The following ZNF44 variants were observed in gnomAD, a reference collection of about 807,000 sequenced individuals.
ZNF44 encodes the protein zinc finger protein 44.
Under a neutral mutation model 11.7 loss-of-function variants are expected in ZNF44, and 9 were observed. The observed-to-expected ratio is 0.77, with a 90% confidence interval of 0.46 to 1.35. ZNF44 has a LOEUF of 1.35. ZNF44 is among the 40% of genes most tolerant of loss of function. The pLI, the probability that ZNF44 is intolerant of heterozygous loss-of-function variation, is 0.00. For synonymous variants in ZNF44, 224 were observed against 242.7 expected (o/e 0.92, Z 0.72); for missense variants, 696 against 743.1 (o/e 0.94, Z 0.74).
At chr19:12,270,583 C>CAAG (rs1966918042), downstream of ZNF44, among the ~76,000 whole-genome samples, 1 of 152,014 alleles carries the variant, frequency 6.6e-6, no homozygotes, top group Non-Finnish European at 1.5e-5. Flanking sequence ...TTCCAAGTAG[C>CAAG]TGGGACTACA....
At chr19:12,289,910 C>T (rs1377024774) in intron 1 of ZNF44, among the ~76,000 whole-genome samples, 4 of 151,660 alleles carry the variant, frequency 2.6e-5, no homozygotes, top group Non-Finnish European at 4.4e-5. Context: ...GGATTACCGG[C>T]GTGAGCCACC....
At chr19:12,278,457 C>T (rs1967327475) in intron 1 of ZNF44, among the ~76,000 whole-genome samples, 2 of 152,154 alleles carry the variant, frequency 1.3e-5, no homozygotes, top group African/African-American at 2.4e-5. Context: ...TCTAGTGCCG[C>T]TGGGTTAGGC....
downstream of ZNF44, among the ~76,000 whole-genome samples, chr19:12,271,101 G>A (rs1277024869): frequency 6.6e-6 from 1 of 152,146 alleles, no homozygotes; most frequent in Non-Finnish European, 1.5e-5. Flanking sequence ...AAGAAGAGGA[G>A]CAGTGCCATT....
At chr19:12,249,709 T>C (rs907383717) in intron 7 of ZNF44, among the ~76,000 whole-genome samples, 21 of 151,888 alleles carry the variant, frequency 1.4e-4, no homozygotes, top group Admixed American at 1.4e-3. Flanking sequence ...TGTGCCACCA[T>C]GCCCGGCTAA....
chr19:12,260,746 A>G (rs541896714), intron 5 of ZNF44, among the ~76,000 whole-genome samples: 2 of 152,322 alleles, frequency 1.3e-5, no homozygotes, highest in East Asian at 3.9e-4. Flanking sequence ...ACTGTCAACT[A>G]AAGTCAGCTG....
At position 12,273,261 on chromosome 19, in the gene ZNF44, T is replaced by C. The variant is rs1967049143; in HGVS notation, c.994A>G (p.Ser332Gly). The change falls in exon 4 of 4, where the codon AGT becomes GGT. Residue 332 changes from serine to glycine, a missense_variant. Ser to Gly is a moderately conservative substitution (Grantham distance 56). Coordinates refer to ENST00000355684, the MANE Select transcript of ZNF44 (RefSeq NM_016264.4). ...GSFQRHMIMH[S>G]GDGPHKCKIC... ...TTACATTTATGAGGTCCATCTCCAC[T>C]GTGCATTATCATGTGTCTTTGAAAG... 1 of 1,614,038 alleles carries C rather than the reference T, an allele frequency of 6.2e-7. No individual in the cohort carries two copies. Among genetic ancestry groups the C allele is most frequent in the Middle Eastern group, 1.6e-4 (1 of 6,062 alleles).
At chr19:12,276,247 A>C in intron 1 of ZNF44, 165 bp from the exon 2 acceptor site, 2 of 1,103,744 alleles carry the variant, frequency 1.8e-6, no homozygotes, top group South Asian at 1.3e-5. Flanking sequence ...CTGATGCTGG[A>C]ATTCTGATGC....
chr19:12,294,356 G>C (rs1968149596), intron 1 of ZNF44, among the ~76,000 whole-genome samples: 1 of 152,174 alleles, frequency 6.6e-6, no homozygotes, highest in Admixed American at 6.5e-5. Flanking sequence ...TGCAGCCCTC[G>C]GCGTCCGGGT....
At chr19:12,261,510 T>C (rs942805554) in intron 5 of ZNF44, among the ~76,000 whole-genome samples, 4 of 152,166 alleles carry the variant, frequency 2.6e-5, no homozygotes, top group African/African-American at 9.7e-5. Context: ...CATGTGACTG[T>C]AGTCCTAGCT....
upstream of ZNF44, among the ~76,000 whole-genome samples, chr19:12,241,800 C>T: frequency 6.6e-6 from 1 of 152,176 alleles, no homozygotes; most frequent in Non-Finnish European, 1.5e-5. Flanking sequence ...AAGTGCTCAA[C>T]ATATGGATGG....
intron 2 of ZNF44, among the ~76,000 whole-genome samples, chr19:12,231,431 A>G (rs895055701): frequency 2.6e-5 from 4 of 152,208 alleles, no homozygotes; most frequent in African/African-American, 7.2e-5. Flanking sequence ...CTCCTACCCA[A>G]GCTTCAGAGC....
At chr19:12,237,927 C>CG (rs1179975591), upstream of ZNF44, 1 of 152,288 alleles carries the variant, frequency 6.6e-6, no homozygotes, top group East Asian at 1.9e-4. Flanking sequence ...TCCTTCTGGA[C>CG]GGGGGTTCAC....
chr19:12,229,762 G>A (rs1034615820), intron 3 of ZNF44, among the ~76,000 whole-genome samples: 6 of 151,850 alleles, frequency 4.0e-5, no homozygotes, highest in Non-Finnish European at 7.4e-5. Flanking sequence ...ACAGGTGCCC[G>A]CCAGCACACC....
chr19:12,258,939 G>T (rs1917381821), intron 5 of ZNF44, among the ~76,000 whole-genome samples: 1 of 152,082 alleles, frequency 6.6e-6, no homozygotes, highest in African/African-American at 2.4e-5. Flanking sequence ...CAGTGGCACA[G>T]TCACAGCTCA....
chr19:12,250,006 G>T (rs1415988984), exon 7 of ZNF44: 9 of 1,286,276 alleles, frequency 7.0e-6, no homozygotes, highest in Non-Finnish European at 9.1e-6. Context: ...TTTTTGTACT[G>T]CTCTTCAATG....
chr19:12,289,890 C>G (rs896970098), intron 1 of ZNF44, among the ~76,000 whole-genome samples: 1 of 152,026 alleles, frequency 6.6e-6, no homozygotes, highest in Non-Finnish European at 1.5e-5. Context: ...CTCGACCTCC[C>G]AAAGTGGTGG....
At chr19:12,289,920 C>A (rs1202289859) in intron 1 of ZNF44, among the ~76,000 whole-genome samples, 2 of 152,002 alleles carry the variant, frequency 1.3e-5, no homozygotes, top group Admixed American at 1.3e-4. Flanking sequence ...CGTGAGCCAC[C>A]GTGCCTGGCC....
intron 1 of ZNF44, among the ~76,000 whole-genome samples, chr19:12,276,948 A>G (rs1967253193): frequency 6.6e-6 from 1 of 152,204 alleles, no homozygotes; most frequent in African/African-American, 2.4e-5. Context: ...ATCAGCAAGA[A>G]GATTCCCACC....
At chr19:12,287,653 G>T (rs1240651252) in intron 1 of ZNF44, among the ~76,000 whole-genome samples, 3 of 152,234 alleles carry the variant, frequency 2.0e-5, no homozygotes, top group African/African-American at 7.2e-5. Flanking sequence ...TATTTTTAAT[G>T]TCTGAATAGT....
Sources: allele counts gnomAD v4.1 joint callset (sites outside exome capture counted in the v4.1 genomes callset), GRCh38; gene constraint gnomAD v4.1.1; transcripts MANE v1.5; gene names NCBI Gene and HGNC (gene_info 2026-07-23, HGNC 2026-07-21).